The following TSG101 variants were observed in gnomAD, a reference collection of about 807,000 sequenced individuals.
TSG101 encodes the protein tumor susceptibility gene 101 protein.
A neutral mutation model predicts 48.5 loss-of-function variants in TSG101; 19 were observed. The ratio of observed to expected loss-of-function variants is 0.39; its 90% CI spans 0.27 to 0.58. The LOEUF is 0.58. Among genes scored for constraint, TSG101 ranks in the 20% least tolerant of loss-of-function variants. The pLI, the probability that TSG101 is intolerant of heterozygous loss-of-function variation, is 0.55. For missense variants in TSG101, 365 were observed against 484.4 expected, an observed-to-expected ratio of 0.75 and a Z score of 2.31; for synonymous variants, 174 against 169.4, an observed-to-expected ratio of 1.03 and a Z score of -0.21.
intron 7 of TSG101, among the ~76,000 whole-genome samples, chr11:18,499,402 A>ATATATATATATATATATATATTTTTTTTT: frequency 1.8e-4 from 1 of 5,450 alleles, no homozygotes; most frequent in Non-Finnish European, 3.5e-4. Context: ...ATATATATAT[A>ATATATATATATATATATATATTTTTTTTT]TTTTTTTTTT....
chr11:18,511,888 C>A (rs1220641544), intron 4 of TSG101, among the ~76,000 whole-genome samples: 1 of 152,034 alleles, frequency 6.6e-6, no homozygotes, highest in Admixed American at 6.6e-5. Flanking sequence ...TGAAATCATA[C>A]AATATATGGC....
chr11:18,515,950 C>A, intron 3 of TSG101, 149 bp downstream of exon 3: 1 of 602,012 alleles, frequency 1.7e-6, no homozygotes, highest in Non-Finnish European at 2.7e-6. Flanking sequence ...GGTGTTACTG[C>A]CAAATGAACT....
At chr11:18,507,637 G>C (rs1418108694) in intron 5 of TSG101, 1 of 137,560 alleles carries the variant, frequency 7.3e-6, no homozygotes, top group Non-Finnish European at 1.6e-5. Flanking sequence ...AGTTAATCTT[G>C]AGCTTAACTG....
intron 1 of TSG101, among the ~76,000 whole-genome samples, chr11:18,520,680 A>G (rs6486431): frequency 0.2 from 30,030 of 152,114 alleles, 3,109 homozygotes; most frequent in East Asian, 0.25. Flanking sequence ...TCCCTTTAGT[A>G]TAGTTTCATA....
At chr11:18,502,446 T>C (rs1849903202) in intron 7 of TSG101, 40 bp downstream of exon 7, 1 of 1,543,844 alleles carries the variant, frequency 6.5e-7, no homozygotes, top group Non-Finnish European at 8.9e-7. Context: ...GAGTTAGACT[T>C]TGCTTATATG....
rs1554969321 is a variant in TSG101 at position 18,481,619 on chromosome 11, T to A, written c.1083+11A>T. On this transcript the variant is annotated intron_variant, in intron 9 of 9. Transcript: ENST00000251968. Reference sequence around the variant, plus strand: ...AGTTAAAAAATCTTGGAACGTAAAATGAAGAAATACCTTCAGGAAGACATC... The same window carrying A: ...AGTTAAAAAATCTTGGAACGTAAAAAGAAGAAATACCTTCAGGAAGACATC... 6.2e-7 allele frequency: 1 copy of A among 1,603,994 alleles called. No individual in the cohort carries two copies. Among genetic ancestry groups the A allele is most frequent in the Non-Finnish European group, 8.5e-7 (1 of 1,175,292 alleles).
chr11:18,487,686 AAAAAAC>A (rs1170706252), intron 7 of TSG101, among the ~76,000 whole-genome samples: 2 of 152,146 alleles, frequency 1.3e-5, no homozygotes, highest in Non-Finnish European at 2.9e-5. Flanking sequence ...TTGCTATTGC[AAAAAAC>A]AAAAACAAAA....
At chr11:18,523,231 A>AT (rs1032490877) in intron 1 of TSG101, among the ~76,000 whole-genome samples, 4 of 151,988 alleles carry the variant, frequency 2.6e-5, no homozygotes, top group Admixed American at 6.6e-5. Context: ...GCTCAAGTAG[A>AT]TTTTTTCAGA....
At chr11:18,512,018 A>G (rs1032958235) in intron 4 of TSG101, among the ~76,000 whole-genome samples, 1 of 152,168 alleles carries the variant, frequency 6.6e-6, no homozygotes, top group Admixed American at 6.5e-5. Flanking sequence ...TTTAATTATC[A>G]TACCATTCCT....
rs139041895 is a variant in TSG101, at chr11:18,500,787, C to G, written c.640+1699G>C. 6.0e-3 allele frequency among the ~76,000 whole-genome samples: 902 copies of G among 150,822 alleles called. 9 individuals are homozygous for G. The highest frequency in any genetic ancestry group is 0.021 in the African/African-American group (870 of 41,382). The stretch of plus-strand genomic sequence containing the variant: ...ACAGGTCGTCTCTTTACTTTGTTGA[C>G]TATCTCCTTTGTTGTGCAGAAGCTT... On this transcript the variant is annotated intron_variant, in intron 7 of 9. Coordinates refer to ENST00000251968, the MANE Select transcript of TSG101 (RefSeq NM_006292.4).
chr11:18,515,047 A>T (rs1476509418), intron 3 of TSG101, among the ~76,000 whole-genome samples: 1 of 152,068 alleles, frequency 6.6e-6, no homozygotes, highest in Non-Finnish European at 1.5e-5. Flanking sequence ...CTAAACTTAT[A>T]CTTGCTTTAT....
chr11:18,520,888 G>C (rs1053335847), intron 1 of TSG101, among the ~76,000 whole-genome samples: 3 of 151,948 alleles, frequency 2.0e-5, no homozygotes, highest in African/African-American at 7.2e-5. Flanking sequence ...AAAATTATCT[G>C]GGCGTGGTGG....
intron 5 of TSG101, 55 bp from the exon 6 acceptor site, chr11:18,506,978 G>A: frequency 1.4e-6 from 2 of 1,436,092 alleles, no homozygotes; most frequent in Non-Finnish European, 1.9e-6. Context: ...TGAATATGTA[G>A]GCTACTGAAT....
chr11:18,522,369 A>C (rs1182551441), intron 1 of TSG101, among the ~76,000 whole-genome samples: 1 of 152,198 alleles, frequency 6.6e-6, no homozygotes. Context: ...ATGTGTATAC[A>C]TACATATCCT....
chr11:18,502,208 T>C (rs1590279156), intron 7 of TSG101, among the ~76,000 whole-genome samples: 1 of 152,252 alleles, frequency 6.6e-6, no homozygotes, highest in Non-Finnish European at 1.5e-5. Context: ...TAGGAAAATC[T>C]ATGTATCTGC....
At chr11:18,483,025 T>TGC (rs977355525) in intron 8 of TSG101, among the ~76,000 whole-genome samples, 1 of 141,450 alleles carries the variant, frequency 7.1e-6, no homozygotes, top group Non-Finnish European at 1.5e-5. Context: ...GGGACCTGTG[T>TGC]GCGTGTGTGT....
chr11:18,506,828 C>G, intron 6 of TSG101, 29 bp downstream of exon 6: 2 of 1,523,966 alleles, frequency 1.3e-6, no homozygotes, highest in Non-Finnish European at 1.8e-6. Context: ...ATTTGTAATA[C>G]AATTATTCAA....
Position 18,512,627 on chromosome 11 carries a change from G to A in TSG101, c.357+2051C>T, listed in dbSNP as rs191040754. On this transcript the variant is annotated intron_variant, in intron 4 of 9. Transcript: ENST00000251968. ...GCTAGACATTGTGAAAAATTATAGAGAGTCTATATATTATCTTCTTCCAGC... is the reference window on the plus strand; with the variant it reads ...GCTAGACATTGTGAAAAATTATAGAAAGTCTATATATTATCTTCTTCCAGC... Among the ~76,000 whole-genome samples the A allele has an allele frequency of 6.3e-4, 95 of 151,866 alleles. 1 individual carries two copies. The highest frequency in any genetic ancestry group is 5.8e-3 in the Admixed American group (89 of 15,236).
At chr11:18,522,653 G>A (rs556960300) in intron 1 of TSG101, among the ~76,000 whole-genome samples, 13 of 152,210 alleles carry the variant, frequency 8.5e-5, no homozygotes, top group African/African-American at 2.6e-4. Context: ...ACACAGCAAC[G>A]GCTTTTCATC....
Sources: gnomAD v4.1 joint callset for allele counts (sites outside exome capture counted in the v4.1 genomes callset) on GRCh38, gnomAD v4.1.1 for gene constraint, MANE v1.5 for transcripts, NCBI Gene and HGNC (gene_info 2026-07-23, HGNC 2026-07-21) for gene names.